Variants in IRAK1BP1 observed in about 807,000 individuals in gnomAD.
The protein encoded by IRAK1BP1 is interleukin-1 receptor-associated kinase 1-binding protein 1.
Under a neutral mutation model 28.0 loss-of-function variants are expected in IRAK1BP1, and 24 were observed. That is an observed-to-expected ratio of 0.86 (90% confidence interval 0.62 to 1.20). The LOEUF (loss-of-function observed/expected upper bound fraction) is 1.20, where lower values mean the gene tolerates loss of function less well. Among genes scored for constraint, IRAK1BP1 ranks in the 50% most tolerant of loss-of-function variants. The probability of loss-of-function intolerance (pLI) is 0.00; values close to 1 mark genes in which losing one functional copy is unlikely to be tolerated. For synonymous variants in IRAK1BP1, 131 were observed against 116.3 expected (o/e 1.13, Z -0.81); for missense variants, 336 against 316.7 (o/e 1.06, Z -0.46).
At chr6:78,971,382 G>C in the IRAK1BP1 span, among the ~76,000 whole-genome samples, 1 of 152,188 alleles carries the variant, frequency 6.6e-6, no homozygotes, top group African/African-American at 2.4e-5. Flanking sequence ...TACTGTCTTG[G>C]AGAACTAGTA....
chr6:78,963,333 T>A, the IRAK1BP1 span: 1 of 1,097,086 alleles, frequency 9.1e-7, no homozygotes. Context: ...AAAATAACAG[T>A]CACAAAATTA....
At chr6:78,965,241 C>T in the IRAK1BP1 span, among the ~76,000 whole-genome samples, 5 of 152,130 alleles carry the variant, frequency 3.3e-5, no homozygotes, top group South Asian at 2.1e-4. Context: ...TTAGCTTTGA[C>T]GGTTTCTAAG....
At chr6:78,970,765 TA>T in the IRAK1BP1 span, 1 of 1,480,852 alleles carries the variant, frequency 6.8e-7, no homozygotes, top group Non-Finnish European at 9.3e-7. Context: ...TATTAAATAA[TA>T]AATCAATGTC....
At chr6:78,928,046 A>C (rs1772939204) in intron 4 of IRAK1BP1, among the ~76,000 whole-genome samples, 1 of 152,084 alleles carries the variant, frequency 6.6e-6, no homozygotes, top group South Asian at 2.1e-4. Context: ...TATAAATGTT[A>C]GGATTGTTTT....
chr6:78,975,307 T>G, the IRAK1BP1 span, among the ~76,000 whole-genome samples: 5 of 152,134 alleles, frequency 3.3e-5, no homozygotes, highest in Admixed American at 1.3e-4. Flanking sequence ...GAAAAGGCCT[T>G]TGACAAAAAT....
downstream of IRAK1BP1, among the ~76,000 whole-genome samples, chr6:78,903,406 A>G (rs1772171689): frequency 1.3e-5 from 2 of 151,992 alleles, no homozygotes; most frequent in Non-Finnish European, 2.9e-5. Context: ...CATGAAAATC[A>G]CTTGAACCCA....
chr6:78,955,049 T>A, the IRAK1BP1 span: 4 of 955,438 alleles, frequency 4.2e-6, no homozygotes, highest in Admixed American at 1.2e-4. Flanking sequence ...GATAATTGGG[T>A]AATATACAAT....
chr6:78,867,966 C>A (rs1280980862), intron 1 of IRAK1BP1, 75 bp downstream of exon 1: 2 of 1,427,484 alleles, frequency 1.4e-6, no homozygotes, highest in Non-Finnish European at 1.9e-6. Flanking sequence ...CCCCACAGGC[C>A]CCCCTAGCGG....
downstream of IRAK1BP1, chr6:78,946,751 T>C (rs753756697): frequency 1.3e-6 from 2 of 1,589,610 alleles, no homozygotes; most frequent in East Asian, 2.3e-5. Context: ...CTTCTGTTTC[T>C]TTTCTTCCTC....
At chr6:78,909,538 C>T (rs1163170988) in intron 4 of IRAK1BP1, among the ~76,000 whole-genome samples, 2 of 152,162 alleles carry the variant, frequency 1.3e-5, no homozygotes, top group Non-Finnish European at 2.9e-5. Context: ...AGCCGAAAAG[C>T]TGGGCTATTT....
chr6:78,869,951 A>G (rs542504332), intron 1 of IRAK1BP1, among the ~76,000 whole-genome samples: 97 of 152,130 alleles, frequency 6.4e-4, no homozygotes, highest in Non-Finnish European at 1.0e-3. Flanking sequence ...TCTACTAAAA[A>G]TACCAAAATT....
In IRAK1BP1 at chr6:78,933,117, A is replaced by G. The variant is rs140495327; in HGVS notation, c.*68-12291A>G. On this transcript the variant is annotated intron_variant and NMD_transcript_variant, in intron 4 of 4. Transcript: ENST00000606868. ...TTAACACCAGCTGCATTAGCCCCCA[A>G]TGAGAGCCTGTCCTTTGAAGCTAGG... Among the ~76,000 whole-genome samples, 640 of 152,194 alleles carry G rather than the reference A, an allele frequency of 4.2e-3. 2 individuals are homozygous for G. Among genetic ancestry groups the G allele is most frequent in the African/African-American group, 0.013 (549 of 41,532 alleles).
At chr6:78,882,759 G>C (rs533208183) in intron 1 of IRAK1BP1, among the ~76,000 whole-genome samples, 3 of 152,218 alleles carry the variant, frequency 2.0e-5, no homozygotes, top group Non-Finnish European at 4.4e-5. Context: ...GTAGTAAAAA[G>C]GACATTTAAT....
chr6:78,948,669 A>G (rs2127684543), downstream of IRAK1BP1, among the ~76,000 whole-genome samples: 1 of 152,014 alleles, frequency 6.6e-6, no homozygotes, highest in South Asian at 2.1e-4. Flanking sequence ...TAATTTTTAT[A>G]ATTTTTGTAG....
chr6:78,943,340 T>A (rs939145600), intron 4 of IRAK1BP1, among the ~76,000 whole-genome samples: 8 of 152,102 alleles, frequency 5.3e-5, no homozygotes, highest in Non-Finnish European at 1.2e-4. Flanking sequence ...TACTCAAAAA[T>A]TAAAAATCAA....
intron 1 of IRAK1BP1, among the ~76,000 whole-genome samples, chr6:78,881,036 T>C (rs1029730259): frequency 1.1e-4 from 17 of 152,164 alleles, no homozygotes; most frequent in Admixed American, 1.1e-3. Context: ...CCGAAGTGAA[T>C]TGAAAACGTA....
chr6:78,867,923 C>T (rs1156423937), intron 1 of IRAK1BP1, 32 bp downstream of exon 1: 6 of 1,519,168 alleles, frequency 3.9e-6, no homozygotes, highest in Non-Finnish European at 5.3e-6. Flanking sequence ...AAATAAGAGC[C>T]GGAAGACACA....
At chr6:78,871,717 C>A in intron 1 of IRAK1BP1, 1 of 202,814 alleles carries the variant, frequency 4.9e-6, no homozygotes, top group Non-Finnish European at 9.3e-6. Flanking sequence ...GTTGCTTGCA[C>A]ACGGTCACAG....
chr6:78,888,952 A>C (rs750296604), intron 2 of IRAK1BP1, among the ~76,000 whole-genome samples: 21 of 151,424 alleles, frequency 1.4e-4, no homozygotes, highest in Non-Finnish European at 2.9e-4. Context: ...ACCCTTCTCT[A>C]CAGAAAAATA....
Sources: allele counts gnomAD v4.1 joint callset (sites outside exome capture counted in the v4.1 genomes callset), GRCh38; gene constraint gnomAD v4.1.1; transcripts MANE v1.5; gene names NCBI Gene and HGNC (gene_info 2026-07-23, HGNC 2026-07-21).